TAFA2: variants seen among roughly 807,000 people sequenced by gnomAD.
The protein encoded by TAFA2 is chemokine-like protein TAFA-2.
In TAFA2, 7 loss-of-function variants were observed where a neutral mutation model predicts 18.8. The observed-to-expected ratio is 0.37, with a 90% CI of 0.21 to 0.70. The LOEUF is 0.70. Among genes scored for constraint, TAFA2 ranks in the 30% least tolerant of loss-of-function variants. The pLI, the probability that TAFA2 is intolerant of heterozygous loss-of-function variation, is 0.53. For synonymous variants in TAFA2, 60 were observed against 54.2 expected (o/e 1.11, Z -0.47); for missense variants, 122 against 158.1 (o/e 0.77, Z 1.23).
At chr12:61,797,007 T>A (rs2360681) in intron 2 of TAFA2, among the ~76,000 whole-genome samples, 135,755 of 152,204 alleles carry the variant, frequency 0.89, 60,721 homozygotes, top group East Asian at 0.98. Context: ...TCTCAATCAG[T>A]CTATTAGTTA....
chr12:61,987,641 A>C (rs977311661), intron 1 of TAFA2, among the ~76,000 whole-genome samples: 8 of 152,352 alleles, frequency 5.3e-5, no homozygotes, highest in Non-Finnish European at 1.2e-4. Context: ...CCGAGAACAC[A>C]AATAATATCT....
intron 1 of TAFA2, among the ~76,000 whole-genome samples, chr12:62,015,597 G>A (rs1880911792): frequency 6.6e-6 from 1 of 152,168 alleles, no homozygotes; most frequent in African/African-American, 2.4e-5. Context: ...TGATATAGTG[G>A]TGAGCAGAGT....
chr12:62,022,047 C>T, intron 1 of TAFA2: 2 of 592,218 alleles, frequency 3.4e-6, no homozygotes, highest in South Asian at 3.0e-5. Context: ...TAAAGCTCTA[C>T]ACTGCCCTCT....
chr12:61,826,150 A>C (rs1029670003), intron 2 of TAFA2, among the ~76,000 whole-genome samples: 3 of 152,072 alleles, frequency 2.0e-5, no homozygotes, highest in Non-Finnish European at 2.9e-5. Flanking sequence ...GCCAACAAGC[A>C]CATAACACCA....
intron 1 of TAFA2, among the ~76,000 whole-genome samples, chr12:62,125,170 AC>A (rs1486606980): frequency 6.6e-6 from 1 of 152,102 alleles, no homozygotes; most frequent in Non-Finnish European, 1.5e-5. Context: ...AGAATTGTAT[AC>A]CTTTTATTTT....
chr12:61,921,510 A>C (rs1036844438), intron 1 of TAFA2, among the ~76,000 whole-genome samples: 2 of 151,372 alleles, frequency 1.3e-5, no homozygotes, highest in Admixed American at 1.3e-4. Context: ...TGGCTGAAAC[A>C]GGAGACTTTT....
intron 1 of TAFA2, among the ~76,000 whole-genome samples, chr12:62,035,811 G>A (rs375552159): frequency 5.3e-5 from 7 of 130,988 alleles, no homozygotes; most frequent in African/African-American, 1.8e-4. Context: ...GCGCGATCTC[G>A]ACTCACTGCA....
intron 1 of TAFA2, among the ~76,000 whole-genome samples, chr12:61,886,049 T>C (rs1207692732): frequency 6.6e-6 from 1 of 152,170 alleles, no homozygotes; most frequent in Non-Finnish European, 1.5e-5. Context: ...ATAATCCCCA[T>C]AGTTATGTCA....
chr12:61,745,378 T>C (rs1276292942), intron 4 of TAFA2, among the ~76,000 whole-genome samples: 3 of 152,072 alleles, frequency 2.0e-5, no homozygotes, highest in Admixed American at 2.0e-4. Flanking sequence ...ACAAGCATCA[T>C]TTCTACCCCT....
chr12:62,050,975 A>G (rs1276970546), intron 1 of TAFA2, among the ~76,000 whole-genome samples: 3 of 152,190 alleles, frequency 2.0e-5, no homozygotes, highest in African/African-American at 7.2e-5. Flanking sequence ...ATCCCTTCCC[A>G]TCGCTCAGTC....
intron 1 of TAFA2, among the ~76,000 whole-genome samples, chr12:61,966,718 A>G (rs2136660067): frequency 6.6e-6 from 1 of 152,052 alleles, no homozygotes; most frequent in South Asian, 2.1e-4. Context: ...AGCATCTGAA[A>G]AAAGCAGATG....
At chr12:62,047,633 C>A (rs999474672) in intron 1 of TAFA2, among the ~76,000 whole-genome samples, 6 of 151,988 alleles carry the variant, frequency 3.9e-5, no homozygotes, top group African/African-American at 9.7e-5. Flanking sequence ...TTTTTAAATA[C>A]CTATTAAACC....
intron 1 of TAFA2, among the ~76,000 whole-genome samples, chr12:62,248,971 G>T (rs1469868366): frequency 6.6e-6 from 1 of 152,118 alleles, no homozygotes; most frequent in Non-Finnish European, 1.5e-5. Context: ...TCTGAAGAAT[G>T]TGAGAGATGC....
At chr12:62,124,197 T>C (rs1056896913) in intron 1 of TAFA2, among the ~76,000 whole-genome samples, 3 of 151,950 alleles carry the variant, frequency 2.0e-5, no homozygotes, top group Non-Finnish European at 4.4e-5. Context: ...AAAAAAAAGC[T>C]TCAAGAGATA....
At chr12:62,081,736 C>T (rs1868328372) in intron 1 of TAFA2, among the ~76,000 whole-genome samples, 1 of 152,110 alleles carries the variant, frequency 6.6e-6, no homozygotes, top group Admixed American at 6.5e-5. Flanking sequence ...CCGCCCGCCT[C>T]AGCCTCCCAA....
intron 1 of TAFA2, among the ~76,000 whole-genome samples, chr12:61,994,565 T>C (rs879916762): frequency 6.6e-6 from 1 of 151,974 alleles, no homozygotes; most frequent in Non-Finnish European, 1.5e-5. Context: ...ATAAAATACC[T>C]CCATTTTTTT....
chr12:62,188,174 G>A (rs1297800990), intron 1 of TAFA2, among the ~76,000 whole-genome samples: 1 of 152,160 alleles, frequency 6.6e-6, no homozygotes, highest in Non-Finnish European at 1.5e-5. Flanking sequence ...ATTTGCAAAT[G>A]TCAGGCATAG....
At chr12:61,922,563 C>T (rs993133621) in intron 1 of TAFA2, among the ~76,000 whole-genome samples, 5 of 152,178 alleles carry the variant, frequency 3.3e-5, no homozygotes, top group Non-Finnish European at 5.9e-5. Flanking sequence ...CGGTGCTATC[C>T]GGACCAGAAA....
At chr12:61,756,141 G>T (rs1869256608) in intron 2 of TAFA2, among the ~76,000 whole-genome samples, 1 of 152,032 alleles carries the variant, frequency 6.6e-6, no homozygotes, top group East Asian at 1.9e-4. Context: ...AGGCTAAGTA[G>T]TTCGCTCAGA....
Sources: gnomAD v4.1 joint callset for allele counts (sites outside exome capture counted in the v4.1 genomes callset) on GRCh38, gnomAD v4.1.1 for gene constraint, MANE v1.5 for transcripts, NCBI Gene and HGNC (gene_info 2026-07-23, HGNC 2026-07-21) for gene names.